GPHN: variants seen among roughly 807,000 people sequenced by gnomAD.
The protein encoded by GPHN is gephyrin.
In GPHN, 17 loss-of-function variants were observed where a neutral mutation model predicts 95.5. The ratio of observed to expected loss-of-function variants is 0.18; its 90% confidence interval spans 0.12 to 0.27. GPHN has a LOEUF of 0.27. GPHN is among the 10% of genes least tolerant of loss of function. The pLI, the probability that GPHN is intolerant of heterozygous loss-of-function variation, is 1.00. For missense variants in GPHN, 660 were observed against 978.1 expected (o/e 0.67, Z 4.34); for synonymous variants, 320 against 322.5 (o/e 0.99, Z 0.08).
chr14:66,776,412 C>T, intron 2 of GPHN, 52 bp from the exon 3 acceptor site: 2 of 1,041,648 alleles, frequency 1.9e-6, no homozygotes, highest in African/African-American at 3.1e-5. Flanking sequence ...ATCTTTCATA[C>T]ATTTTAAACA....
At chr14:66,789,288 A>G (rs1178972947) in intron 3 of GPHN, among the ~76,000 whole-genome samples, 1 of 152,210 alleles carries the variant, frequency 6.6e-6, no homozygotes, top group Non-Finnish European at 1.5e-5. Context: ...ATCTTTTACC[A>G]AAAGCACATC....
At chr14:67,553,545 AT>A in the GPHN span, among the ~76,000 whole-genome samples, 17 of 152,160 alleles carry the variant, frequency 1.1e-4, no homozygotes, top group Non-Finnish European at 2.1e-4. Context: ...TGATCTCTTG[AT>A]TCCAGATTCC....
chr14:66,890,069 T>A (rs1334319069), intron 5 of GPHN, among the ~76,000 whole-genome samples: 1 of 151,868 alleles, frequency 6.6e-6, no homozygotes, highest in Non-Finnish European at 1.5e-5. Context: ...CACAAAGAAA[T>A]AGAAAATCTG....
chr14:66,800,501 CTCTT>C (rs2060308886), intron 3 of GPHN, among the ~76,000 whole-genome samples: 1 of 152,016 alleles, frequency 6.6e-6, no homozygotes, highest in Admixed American at 6.5e-5. Flanking sequence ...TGTCATGCCC[CTCTT>C]TCTTGGTCTA....
chr14:67,322,206 G>C, the GPHN span, among the ~76,000 whole-genome samples: 2 of 152,086 alleles, frequency 1.3e-5, no homozygotes, highest in Non-Finnish European at 2.9e-5. Context: ...AAATTAGCCA[G>C]GTGTGGTGGC....
chr14:66,560,334 T>A (rs535058977), intron 1 of GPHN, among the ~76,000 whole-genome samples: 7 of 152,244 alleles, frequency 4.6e-5, no homozygotes, highest in African/African-American at 1.2e-4. Flanking sequence ...CTTGGGCAGT[T>A]TGGCCATTTT....
At chr14:66,736,408 T>C (rs1349517987) in intron 2 of GPHN, among the ~76,000 whole-genome samples, 1 of 151,132 alleles carries the variant, frequency 6.6e-6, no homozygotes, top group Non-Finnish European at 1.5e-5. Flanking sequence ...TTTTCTTTTT[T>C]TTTTTTTGAG....
At chr14:67,394,483 G>C in the GPHN span, among the ~76,000 whole-genome samples, 1 of 152,116 alleles carries the variant, frequency 6.6e-6, no homozygotes, top group Admixed American at 6.6e-5. Flanking sequence ...AACCCCCTCA[G>C]CTACTTTTCC....
At chr14:67,368,466 A>C in the GPHN span, among the ~76,000 whole-genome samples, 3 of 152,144 alleles carry the variant, frequency 2.0e-5, no homozygotes, top group African/African-American at 4.8e-5. Context: ...AAAATAAGAA[A>C]ATATTTAGTT....
intron 2 of GPHN, among the ~76,000 whole-genome samples, chr14:66,774,091 C>T (rs1446425456): frequency 1.3e-5 from 2 of 150,214 alleles, no homozygotes; most frequent in Non-Finnish European, 3.0e-5. Context: ...GCAACTCCGC[C>T]TCCCGGGTTC....
At chr14:67,074,946 A>G (rs2076439767) in intron 11 of GPHN, among the ~76,000 whole-genome samples, 1 of 152,222 alleles carries the variant, frequency 6.6e-6, no homozygotes, top group Non-Finnish European at 1.5e-5. Context: ...TAGAAGCAAC[A>G]GCAAGTTATC....
At chr14:67,199,291 CAGA>C in the GPHN span, 6 of 1,604,506 alleles carry the variant, frequency 3.7e-6, no homozygotes, top group Non-Finnish European at 4.3e-6. Context: ...TGAACATGAT[CAGA>C]CTCTATGGGA....
At chr14:66,548,285 A>G (rs2059680529) in intron 1 of GPHN, among the ~76,000 whole-genome samples, 1 of 149,808 alleles carries the variant, frequency 6.7e-6, no homozygotes, top group Admixed American at 6.7e-5. Context: ...GGTTCAAGAG[A>G]TTCTTCTGCC....
the GPHN span, among the ~76,000 whole-genome samples, chr14:67,716,984 A>G: frequency 6.6e-6 from 1 of 152,234 alleles, no homozygotes; most frequent in Admixed American, 6.5e-5. Flanking sequence ...ATATAAAACA[A>G]ATATAGTGAA....
intron 3 of GPHN, among the ~76,000 whole-genome samples, chr14:66,801,272 CT>C (rs1331378059): frequency 6.6e-6 from 1 of 152,086 alleles, no homozygotes; most frequent in Non-Finnish European, 1.5e-5. Context: ...TCATCTGTGT[CT>C]GGGCATTAAA....
chr14:67,610,691 C>T, the GPHN span, among the ~76,000 whole-genome samples: 22 of 152,114 alleles, frequency 1.4e-4, no homozygotes, highest in Non-Finnish European at 1.0e-4. Context: ...TGACATCACC[C>T]ACACTTCCTG....
chr14:66,606,886 T>C (rs1045364628), intron 1 of GPHN, among the ~76,000 whole-genome samples: 3 of 152,160 alleles, frequency 2.0e-5, no homozygotes, highest in South Asian at 2.1e-4. Context: ...ATATCATCAC[T>C]GAAGAGAGGT....
At chr14:66,831,824 A>G (rs1456075453) in intron 4 of GPHN, among the ~76,000 whole-genome samples, 1 of 152,178 alleles carries the variant, frequency 6.6e-6, no homozygotes, top group Non-Finnish European at 1.5e-5. Context: ...AACTCTTTTA[A>G]GCATATGTTA....
the GPHN span, chr14:67,454,521 T>G: frequency 6.6e-6 from 1 of 152,248 alleles, no homozygotes; most frequent in South Asian, 2.1e-4. Flanking sequence ...ACTCATCCCA[T>G]GTACTCTGAT....
Sources: allele counts gnomAD v4.1 joint callset (sites outside exome capture counted in the v4.1 genomes callset), GRCh38; gene constraint gnomAD v4.1.1; transcripts MANE v1.5; gene names NCBI Gene and HGNC (gene_info 2026-07-23, HGNC 2026-07-21).